Variants in SPIDR observed in about 807,000 individuals in gnomAD.
SPIDR encodes DNA repair-scaffolding protein.
Under a neutral mutation model 104.6 loss-of-function variants are expected in SPIDR, and 93 were observed. The ratio of observed to expected loss-of-function variants is 0.89; its 90% CI spans 0.75 to 1.06. The LOEUF is 1.06. Among genes scored for constraint, SPIDR ranks in the 50% least tolerant of loss-of-function variants. The probability of loss-of-function intolerance (pLI) is 0.00; values close to 1 mark genes in which losing one functional copy is unlikely to be tolerated. For missense variants in SPIDR, 1,154 were observed against 1,111.2 expected, an observed-to-expected ratio of 1.04 and a Z score of -0.55; for synonymous variants, 431 against 416.9, an observed-to-expected ratio of 1.03 and a Z score of -0.41.
chr8:47,678,294 A>G (rs1243475596), intron 11 of SPIDR, among the ~76,000 whole-genome samples: 1 of 152,236 alleles, frequency 6.6e-6, no homozygotes, highest in Non-Finnish European at 1.5e-5. Context: ...AGAAGAGGTC[A>G]TAAACACAAA....
chr8:47,437,599 A>T (rs1554693224), intron 7 of SPIDR, among the ~76,000 whole-genome samples: 1 of 152,152 alleles, frequency 6.6e-6, no homozygotes, highest in East Asian at 1.9e-4. Context: ...GACACTTCTC[A>T]AAAGAAGACA....
In SPIDR at chr8:47,291,055, C is replaced by T. The variant is rs2039823659; in HGVS notation, c.279C>T (p.Thr93=). 2 of 1,611,248 alleles carry T rather than the reference C, an allele frequency of 1.2e-6. No individual in the cohort carries two copies. Among genetic ancestry groups the T allele is most frequent in the Non-Finnish European group, 8.5e-7 (1 of 1,178,288 alleles). Residue 93 remains threonine (T), a synonymous_variant, in exon 4 of 20, where the codon ACC becomes ACT. Coordinates refer to ENST00000297423, the MANE Select transcript of SPIDR (RefSeq NM_001080394.4). ...CAGAAACCACCACATCTAAAAGCACCAGTGGGCTTACAGACATAACATGGA... is the reference window on the plus strand; with the variant it reads ...CAGAAACCACCACATCTAAAAGCACTAGTGGGCTTACAGACATAACATGGA... ...PKQETTTSKS[T]SGLTDITWSS... is the part of the protein sequence containing the mutation.
At chr8:47,293,006 A>G (rs1481364354) in intron 4 of SPIDR, among the ~76,000 whole-genome samples, 1 of 151,934 alleles carries the variant, frequency 6.6e-6, no homozygotes, top group Non-Finnish European at 1.5e-5. Context: ...CAACCTGGAA[A>G]ATCTCTAATG....
At chr8:47,466,309 C>G (rs1424812818) in intron 8 of SPIDR, among the ~76,000 whole-genome samples, 1 of 152,134 alleles carries the variant, frequency 6.6e-6, no homozygotes, top group Non-Finnish European at 1.5e-5. Flanking sequence ...GAAGTGAAAT[C>G]ATAACAGCCA....
At chr8:47,434,221 A>G (rs2154340703) in intron 7 of SPIDR, among the ~76,000 whole-genome samples, 1 of 152,332 alleles carries the variant, frequency 6.6e-6, no homozygotes, top group African/African-American at 2.4e-5. Flanking sequence ...GGTCCTGTCC[A>G]CATGGGAAGC....
chr8:47,406,247 C>T (rs1215912875), intron 6 of SPIDR, among the ~76,000 whole-genome samples: 1 of 152,116 alleles, frequency 6.6e-6, no homozygotes, highest in African/African-American at 2.4e-5. Context: ...GGTATATTAT[C>T]AAGACTAAGA....
intron 8 of SPIDR, among the ~76,000 whole-genome samples, chr8:47,583,892 T>G (rs1034863302): frequency 2.6e-5 from 4 of 152,206 alleles, no homozygotes; most frequent in African/African-American, 9.6e-5. Context: ...GAGCATCACA[T>G]CCGAGTCACA....
At chr8:47,661,262 T>A (rs771170812) in intron 10 of SPIDR, among the ~76,000 whole-genome samples, 1 of 152,216 alleles carries the variant, frequency 6.6e-6, no homozygotes, top group Non-Finnish European at 1.5e-5. Flanking sequence ...GTGAGATATT[T>A]TATCATGGCT....
rs1371137429 is a variant in SPIDR, at chr8:47,370,753, A to G, written c.526-25623A>G. ...GCATGAGCCACCGTGCCTGGCCAAC[A>G]TTTATTTATTTTATATTCTCTCGCA... On this transcript the variant is annotated intron_variant, in intron 5 of 19. Coordinates refer to ENST00000297423, the MANE Select transcript of SPIDR (RefSeq NM_001080394.4). Among the ~76,000 whole-genome samples the G allele has an allele frequency of 2.6e-5, 4 of 151,920 alleles. No homozygotes were observed. In the East Asian group the frequency reaches 5.8e-4, roughly 22 times the overall value.
intron 8 of SPIDR, among the ~76,000 whole-genome samples, chr8:47,549,165 A>G (rs2090012490): frequency 6.6e-6 from 1 of 152,150 alleles, no homozygotes; most frequent in Non-Finnish European, 1.5e-5. Context: ...AATCCAGTCT[A>G]TCATTGATGG....
Position 47,284,028 on chromosome 8 carries a change from T to G in SPIDR, c.190T>G (p.Ser64Ala). The G allele has an allele frequency of 8.7e-6, 14 of 1,608,214 alleles. No individual in the cohort carries two copies. Among genetic ancestry groups the G allele is most frequent in the Non-Finnish European group, 1.2e-5 (14 of 1,177,430 alleles). The change falls in exon 3 of 20, where the codon TCA becomes GCA. Residue 64 changes from serine to alanine, a missense_variant and splice_region_variant. Transcript: ENST00000297423. ...TCCATGATTATTATTTTGCCTACAG[T>G]CATTAACAGCTGAAGAGAAGACGAT... ...EGFQNTSGNP[S>A]LTAEEKTITE...
intron 5 of SPIDR, among the ~76,000 whole-genome samples, chr8:47,298,814 T>G (rs1446479179): frequency 6.6e-6 from 1 of 152,198 alleles, no homozygotes. Flanking sequence ...TTGGTCTATA[T>G]CTCTGTTTTG....
At chr8:47,457,940 C>G (rs1465965917) in intron 8 of SPIDR, among the ~76,000 whole-genome samples, 1 of 152,140 alleles carries the variant, frequency 6.6e-6, no homozygotes, top group Non-Finnish European at 1.5e-5. Flanking sequence ...CTATTCTGTT[C>G]CAGTGTTCTC....
intron 5 of SPIDR, among the ~76,000 whole-genome samples, chr8:47,388,965 C>T (rs1354045084): frequency 6.6e-6 from 1 of 152,196 alleles, no homozygotes; most frequent in African/African-American, 2.4e-5. Context: ...ATAAAAACTA[C>T]TCCTTGCCTC....
intron 10 of SPIDR, among the ~76,000 whole-genome samples, chr8:47,649,416 G>A (rs1321400771): frequency 6.6e-6 from 1 of 152,152 alleles, no homozygotes; most frequent in East Asian, 1.9e-4. Context: ...CTTCCAAAAT[G>A]TCAGGGTTAT....
intron 8 of SPIDR, among the ~76,000 whole-genome samples, chr8:47,529,416 AAAAT>A (rs1274004100): frequency 6.6e-5 from 10 of 152,116 alleles, no homozygotes; most frequent in Non-Finnish European, 7.3e-5. Context: ...TCCATCTCAA[AAAAT>A]AAATAAATAA....
chr8:47,415,303 C>A (rs1433606216), intron 7 of SPIDR, among the ~76,000 whole-genome samples: 2 of 152,098 alleles, frequency 1.3e-5, no homozygotes, highest in African/African-American at 4.8e-5. Flanking sequence ...CCCCCAGTTT[C>A]CCCCGGTAAT....
chr8:47,527,118 A>G (rs1265041946), intron 8 of SPIDR, among the ~76,000 whole-genome samples: 1 of 152,092 alleles, frequency 6.6e-6, no homozygotes, highest in Admixed American at 6.6e-5. Context: ...CTAGGTTCTC[A>G]CTGTGAAGAT....
chr8:47,472,139 A>G lies in SPIDR; in HGVS notation c.1097+31597A>G, dbSNP rs1270510085. Among the ~76,000 whole-genome samples the G allele has an allele frequency of 2.0e-5, 3 of 152,212 alleles. No homozygotes were observed. The East Asian group carries it at 5.8e-4, about 29-fold the overall frequency. ...CCCATTTTCTATACAGTCTCCCTGA[A>G]AGTAGTAAATGCTGCACAGGAAGGC... On this transcript the variant is annotated intron_variant, in intron 8 of 19. Transcript: ENST00000297423.
Sources: allele counts gnomAD v4.1 joint callset (sites outside exome capture counted in the v4.1 genomes callset), GRCh38; gene constraint gnomAD v4.1.1; transcripts MANE v1.5; gene names NCBI Gene and HGNC (gene_info 2026-07-23, HGNC 2026-07-21).